RGL1: variants seen among roughly 807,000 people sequenced by gnomAD.
RGL1 encodes ral guanine nucleotide dissociation stimulator like 1.
Under a neutral mutation model 95.2 loss-of-function variants are expected in RGL1, and 24 were observed. The observed-to-expected ratio is 0.25, with a 90% CI of 0.18 to 0.35. The LOEUF is 0.35. Ranked by LOEUF, RGL1 falls within the 10% of genes least tolerant of loss-of-function variation. The pLI is 1.00. For missense variants in RGL1, 715 were observed against 936.3 expected (o/e 0.76, Z 3.08); for synonymous variants, 329 against 344.9 (o/e 0.95, Z 0.51).
intron 2 of RGL1, among the ~76,000 whole-genome samples, chr1:183,797,290 C>T (rs1000423816): frequency 3.9e-5 from 6 of 152,064 alleles, no homozygotes; most frequent in South Asian, 2.1e-4. Context: ...GATGGCGCCA[C>T]GGCACTCCAG....
rs548925209 is a variant in RGL1, at chr1:183,666,631, G to A, written c.-33+30130G>A. On this transcript the variant is annotated intron_variant, in intron 1 of 18. Transcript: ENST00000304685. ...AGCCTTACAAAGTGCTGGGATTACA[G>A]GTGTGAGCCACCACGCCTGGCAGGA... Among the ~76,000 whole-genome samples the A allele has an allele frequency of 4.6e-5, 7 of 152,250 alleles. No homozygotes were observed. The South Asian group carries it at 1.5e-3, about 32-fold the overall frequency.
chr1:183,808,482 T>C (rs962403441), intron 2 of RGL1, among the ~76,000 whole-genome samples: 1 of 152,186 alleles, frequency 6.6e-6, no homozygotes, highest in Non-Finnish European at 1.5e-5. Flanking sequence ...ACGTGTTTTC[T>C]TGTCTTAGGT....
intron 1 of RGL1, among the ~76,000 whole-genome samples, chr1:183,686,255 A>G (rs150675290): frequency 3.9e-4 from 59 of 152,318 alleles, no homozygotes; most frequent in African/African-American, 1.3e-3. Flanking sequence ...TATTAAAGTA[A>G]TCATTCCTGA....
intron 4 of RGL1, among the ~76,000 whole-genome samples, chr1:183,867,027 A>G (rs1665882488): frequency 6.6e-6 from 1 of 152,194 alleles, no homozygotes; most frequent in African/African-American, 2.4e-5. Context: ...GGAGAGACAG[A>G]ACCTTGGCTT....
rs56019394 is a variant in RGL1 at position 183,821,134 on chromosome 1, A to AAATAATAATAATAAT, written c.138+14660_138+14674dup. ...GGCGACAAGAGCGAAACTCCGTCTA[A>AAATAATAATAATAAT]AATAATAATAATAATAATAATAATA... On this transcript the variant is annotated intron_variant, in intron 2 of 17. Transcript: ENST00000360851. Among the ~76,000 whole-genome samples the AAATAATAATAATAAT allele has an allele frequency of 8.6e-5, 13 of 150,662 alleles. No homozygotes were observed. In the East Asian group the frequency reaches 1.8e-3, roughly 20 times the overall value.
intron 3 of RGL1, among the ~76,000 whole-genome samples, chr1:183,863,343 G>A (rs1161483157): frequency 6.7e-6 from 1 of 150,338 alleles, no homozygotes; most frequent in African/African-American, 2.5e-5. Context: ...TTTGTTTTTT[G>A]TTTTTGAGAG....
At chr1:183,712,082 G>T (rs1027152379) in intron 1 of RGL1, among the ~76,000 whole-genome samples, 3 of 152,200 alleles carry the variant, frequency 2.0e-5, no homozygotes, top group African/African-American at 7.2e-5. Flanking sequence ...ATGGAAATGA[G>T]AAAAATAATT....
chr1:183,769,773 G>C (rs1042475637), intron 2 of RGL1, among the ~76,000 whole-genome samples: 1 of 152,178 alleles, frequency 6.6e-6, no homozygotes, highest in African/African-American at 2.4e-5. Flanking sequence ...TTCCATGGCA[G>C]TTTGATTTTT....
chr1:183,871,885 C>A (rs1280103793), intron 4 of RGL1, among the ~76,000 whole-genome samples: 1 of 152,196 alleles, frequency 6.6e-6, no homozygotes, highest in Admixed American at 6.5e-5. Context: ...CTGGCTAAGA[C>A]AAGAATGTGT....
intron 2 of RGL1, among the ~76,000 whole-genome samples, chr1:183,747,003 G>A (rs1212014824): frequency 3.3e-5 from 5 of 152,072 alleles, no homozygotes; most frequent in African/African-American, 1.2e-4. Flanking sequence ...TTTTATGGCT[G>A]CATTGTATTC....
chr1:183,642,372 A>G (rs1484214310), intron 1 of RGL1, among the ~76,000 whole-genome samples: 2 of 152,232 alleles, frequency 1.3e-5, no homozygotes, highest in Non-Finnish European at 2.9e-5. Context: ...AATTTGGCCA[A>G]TGATATTCAA....
chr1:183,836,495 C>T lies in RGL1; in HGVS notation c.139-11071C>T, dbSNP rs562815609. 1.8e-4 allele frequency among the ~76,000 whole-genome samples: 28 copies of T among 152,156 alleles called. No homozygotes were observed. The South Asian group carries it at 5.8e-3, about 32-fold the overall frequency. On this transcript the variant is annotated intron_variant, in intron 2 of 17. Transcript: ENST00000360851. ...TGTTGGCCAGGATGATCTCGAACTCCTGACCTCAGGTGATCCACCCACCTA... is the reference window on the plus strand; with the variant it reads ...TGTTGGCCAGGATGATCTCGAACTCTTGACCTCAGGTGATCCACCCACCTA...
chr1:183,909,493 T>A (rs1007683243), intron 14 of RGL1, among the ~76,000 whole-genome samples: 1 of 152,194 alleles, frequency 6.6e-6, no homozygotes, highest in Non-Finnish European at 1.5e-5. Flanking sequence ...TTGTAATTTA[T>A]GAAGCAGTAA....
intron 1 of RGL1, among the ~76,000 whole-genome samples, chr1:183,741,484 C>T (rs1399769410): frequency 6.6e-6 from 1 of 152,196 alleles, no homozygotes; most frequent in African/African-American, 2.4e-5. Flanking sequence ...CAAGAAAGTG[C>T]ATAGCCAGTG....
intron 3 of RGL1, among the ~76,000 whole-genome samples, chr1:183,861,326 A>G: frequency 6.6e-6 from 1 of 152,196 alleles, no homozygotes; most frequent in East Asian, 1.9e-4. Context: ...GGCCCCCACT[A>G]GAGAGACCGT....
Position 183,713,388 on chromosome 1 carries a change from C to CCG in RGL1, c.-32-28738_-32-28737insCG, listed in dbSNP as rs67617883. 4.6e-5 allele frequency among the ~76,000 whole-genome samples: 6 copies of CCG among 130,150 alleles called. No homozygotes were observed. In the East Asian group the frequency reaches 9.6e-4, roughly 21 times the overall value. The allele number at this position is 130,150 out of a possible 152,430, so 85.4% of individuals were successfully genotyped here. A position where few individuals can be genotyped will look rare whatever the true frequency, so the allele number is the denominator to read the frequency against. ...AAAATCTAGAGGCACCCCCCCCCCC[C>CCG]GCTTTTATAATGACCCTTTTGACTG... On this transcript the variant is annotated intron_variant, in intron 1 of 18. Coordinates refer to the RGL1 transcript ENST00000304685.
intron 3 of RGL1, among the ~76,000 whole-genome samples, chr1:183,863,970 A>G (rs1665674520): frequency 6.6e-6 from 1 of 152,230 alleles, no homozygotes; most frequent in Non-Finnish European, 1.5e-5. Flanking sequence ...TAAGTTACTT[A>G]GTCTTTCTTG....
chr1:183,679,103 G>A (rs1653024903), intron 1 of RGL1, among the ~76,000 whole-genome samples: 1 of 152,202 alleles, frequency 6.6e-6, no homozygotes, highest in Non-Finnish European at 1.5e-5. Context: ...CCTTTGAGAT[G>A]TGAGGGTCAG....
chr1:183,902,071 T>A (rs186650101), intron 11 of RGL1, among the ~76,000 whole-genome samples: 1 of 152,226 alleles, frequency 6.6e-6, no homozygotes, highest in Non-Finnish European at 1.5e-5. Context: ...TGTTGGGGAA[T>A]TCTGGGGAGT....
Sources: gnomAD v4.1 joint callset for allele counts (sites outside exome capture counted in the v4.1 genomes callset) on GRCh38, gnomAD v4.1.1 for gene constraint, MANE v1.5 for transcripts, NCBI Gene and HGNC (gene_info 2026-07-23, HGNC 2026-07-21) for gene names.